Variants in SOX5 observed in about 807,000 individuals in gnomAD.
SOX5 encodes the protein SRY-box transcription factor 5.
A neutral mutation model predicts 92.0 loss-of-function variants in SOX5; 9 were observed. That is an observed-to-expected ratio of 0.10 (90% confidence interval 0.06 to 0.17). The LOEUF is 0.17. SOX5 is among the 10% of genes least tolerant of loss of function. The pLI is 1.00. For missense variants in SOX5, 642 were observed against 944.5 expected (o/e 0.68, Z 4.20); for synonymous variants, 344 against 336.3 (o/e 1.02, Z -0.25).
At chr12:23,800,958 C>G (rs1459118606) in intron 3 of SOX5, among the ~76,000 whole-genome samples, 1 of 152,158 alleles carries the variant, frequency 6.6e-6, no homozygotes. Context: ...AAACCACTCC[C>G]TGTTATTTTG....
intron 4 of SOX5, among the ~76,000 whole-genome samples, chr12:24,014,034 A>C (rs1434107369): frequency 6.6e-6 from 1 of 152,224 alleles, no homozygotes; most frequent in African/African-American, 2.4e-5. Flanking sequence ...AGTGTCTATT[A>C]GTCTATTAGT....
At chr12:23,852,387 T>C (rs548266651) in intron 2 of SOX5, among the ~76,000 whole-genome samples, 2 of 152,276 alleles carry the variant, frequency 1.3e-5, no homozygotes, top group Non-Finnish European at 2.9e-5. Flanking sequence ...TTTATAAAAA[T>C]GGCCCCATTA....
At chr12:23,887,984 G>T (rs2097089587) in intron 2 of SOX5, among the ~76,000 whole-genome samples, 1 of 150,096 alleles carries the variant, frequency 6.7e-6, no homozygotes, top group East Asian at 2.0e-4. Context: ...GTTATTTTCA[G>T]TGGAAACAAT....
intron 9 of SOX5, among the ~76,000 whole-genome samples, chr12:23,576,211 A>G (rs1173750325): frequency 6.6e-6 from 1 of 151,930 alleles, no homozygotes; most frequent in East Asian, 1.9e-4. Context: ...ATCTCCAAAG[A>G]AAAGGGGTTG....
chr12:23,833,519 C>A (rs2096365150), intron 3 of SOX5, among the ~76,000 whole-genome samples: 1 of 151,926 alleles, frequency 6.6e-6, no homozygotes, highest in African/African-American at 2.4e-5. Flanking sequence ...TATCTATGGC[C>A]ACTAATCCAT....
intron 2 of SOX5, among the ~76,000 whole-genome samples, chr12:24,283,404 T>C (rs1483162226): frequency 1.3e-5 from 2 of 152,186 alleles, no homozygotes; most frequent in African/African-American, 4.8e-5. Flanking sequence ...CCTGGTAATA[T>C]CAGTGTTGGA....
chr12:23,897,357 A>G (rs1432646120), intron 1 of SOX5, among the ~76,000 whole-genome samples: 2 of 152,108 alleles, frequency 1.3e-5, no homozygotes, highest in Admixed American at 1.3e-4. Flanking sequence ...AAATATTAGG[A>G]CAGTAGAAAA....
At chr12:24,061,756 A>AC (rs1939753909) in intron 4 of SOX5, among the ~76,000 whole-genome samples, 1 of 125,196 alleles carries the variant, frequency 8.0e-6, no homozygotes, top group African/African-American at 2.8e-5. Context: ...AAAAAAAAAA[A>AC]AAAAAAACCT....
chr12:24,367,292 T>C (rs1345634550), intron 2 of SOX5, among the ~76,000 whole-genome samples: 1 of 152,212 alleles, frequency 6.6e-6, no homozygotes, highest in Non-Finnish European at 1.5e-5. Context: ...GGCTGATTTA[T>C]GTTCTGTTGC....
chr12:23,963,676 T>C (rs964451587), intron 4 of SOX5, among the ~76,000 whole-genome samples: 6 of 148,406 alleles, frequency 4.0e-5, no homozygotes, highest in African/African-American at 1.5e-4. Context: ...ACAAAAAAAT[T>C]GGAAGACTAC....
chr12:23,827,790 CT>C (rs375830433), intron 3 of SOX5, among the ~76,000 whole-genome samples: 1 of 151,984 alleles, frequency 6.6e-6, no homozygotes, highest in Non-Finnish European at 1.5e-5. Context: ...AAAGCAATAG[CT>C]TTTTTTTGTT....
At chr12:24,001,591 G>C (rs748269040) in intron 4 of SOX5, among the ~76,000 whole-genome samples, 1 of 152,116 alleles carries the variant, frequency 6.6e-6, no homozygotes, top group Non-Finnish European at 1.5e-5. Flanking sequence ...AGTACTTTGA[G>C]AGGCAAAAGC....
intron 5 of SOX5, 50 bp downstream of exon 5, chr12:23,740,817 A>C: frequency 6.7e-7 from 1 of 1,485,004 alleles, no homozygotes; most frequent in African/African-American, 1.4e-5. Flanking sequence ...TATAAGTAGC[A>C]GGCAAAGTAA....
chr12:23,857,240 C>G (rs2096703414), intron 2 of SOX5, among the ~76,000 whole-genome samples: 1 of 152,060 alleles, frequency 6.6e-6, no homozygotes, highest in African/African-American at 2.4e-5. Flanking sequence ...TACATTTGAC[C>G]TAGCAGGCAA....
At chr12:23,934,383 T>A (rs1369079691) in intron 1 of SOX5, among the ~76,000 whole-genome samples, 2 of 150,368 alleles carry the variant, frequency 1.3e-5, no homozygotes, top group Non-Finnish European at 3.0e-5. Context: ...ATCAATTTTA[T>A]ATATTATACA....
chr12:23,699,659 T>C (rs1402219119), intron 6 of SOX5, among the ~76,000 whole-genome samples: 1 of 152,200 alleles, frequency 6.6e-6, no homozygotes, highest in Non-Finnish European at 1.5e-5. Flanking sequence ...TTATTTTTTA[T>C]GCACTGCTCC....
intron 4 of SOX5, among the ~76,000 whole-genome samples, chr12:24,027,497 G>A (rs1222000344): frequency 6.6e-6 from 1 of 151,932 alleles, no homozygotes; most frequent in African/African-American, 2.4e-5. Context: ...TACTACTTAT[G>A]CATCATCCTA....
intron 7 of SOX5, among the ~76,000 whole-genome samples, chr12:23,663,459 G>T (rs756418299): frequency 2.0e-5 from 3 of 152,060 alleles, no homozygotes; most frequent in Non-Finnish European, 4.4e-5. Flanking sequence ...CAGGCCTACG[G>T]TTATGCTATT....
intron 2 of SOX5, among the ~76,000 whole-genome samples, chr12:24,304,694 CA>C (rs1948377695): frequency 6.6e-6 from 1 of 152,126 alleles, no homozygotes; most frequent in Non-Finnish European, 1.5e-5. Flanking sequence ...TTAACAGGTA[CA>C]ACAAACTTAG....
Sources: allele counts gnomAD v4.1 joint callset (sites outside exome capture counted in the v4.1 genomes callset), GRCh38; gene constraint gnomAD v4.1.1; transcripts MANE v1.5; gene names NCBI Gene and HGNC (gene_info 2026-07-23, HGNC 2026-07-21).